RNF24: variants seen among roughly 807,000 people sequenced by gnomAD.
The protein encoded by RNF24 is ring finger protein 24.
RNF24 carries 14 observed loss-of-function variants against 20.0 expected under a neutral mutation model. The observed-to-expected ratio is 0.70, with a 90% CI of 0.46 to 1.10. RNF24 has a LOEUF of 1.10. Ranked by LOEUF, RNF24 falls within the 50% of genes least tolerant of loss-of-function variation. The pLI, the probability that RNF24 is intolerant of heterozygous loss-of-function variation, is 0.00. For missense variants in RNF24, 124 were observed against 177.6 expected (o/e 0.70, Z 1.71); for synonymous variants, 45 against 61.1 (o/e 0.74, Z 1.23).
intron 1 of RNF24, among the ~76,000 whole-genome samples, chr20:3,975,357 A>C (rs940173124): frequency 6.6e-6 from 1 of 152,220 alleles, no homozygotes; most frequent in Non-Finnish European, 1.5e-5. Context: ...AAAAAGCTCC[A>C]GACTTGACAC....
intron 1 of RNF24, among the ~76,000 whole-genome samples, chr20:4,000,550 T>C (rs1252589341): frequency 2.0e-5 from 3 of 152,034 alleles, no homozygotes; most frequent in African/African-American, 7.2e-5. Context: ...TATTAATGCA[T>C]ATATAATCTC....
chr20:3,955,737 A>G (rs1449365096), intron 2 of RNF24, among the ~76,000 whole-genome samples: 1 of 152,210 alleles, frequency 6.6e-6, no homozygotes, highest in Non-Finnish European at 1.5e-5. Flanking sequence ...CTGTAACTAT[A>G]TAAAGACGAT....
At chr20:3,984,149 G>A (rs980078065) in intron 1 of RNF24, among the ~76,000 whole-genome samples, 5 of 151,460 alleles carry the variant, frequency 3.3e-5, no homozygotes, top group Admixed American at 1.3e-4. Context: ...AAGACTGCTT[G>A]AGCCCAGGAA....
intron 3 of RNF24, 29 bp from the exon 4 acceptor site, chr20:3,945,247 C>A (rs1184985773): frequency 6.4e-7 from 1 of 1,558,060 alleles, no homozygotes; most frequent in East Asian, 2.3e-5. Context: ...TGTTCTTATG[C>A]CCATTTAAAT....
chr20:4,003,881 T>A (rs1292061093), intron 1 of RNF24, among the ~76,000 whole-genome samples: 4 of 151,974 alleles, frequency 2.6e-5, no homozygotes, highest in Non-Finnish European at 5.9e-5. Context: ...TGACCTCAAG[T>A]GATCTACCCC....
intron 1 of RNF24, among the ~76,000 whole-genome samples, chr20:4,010,399 T>C (rs1008575994): frequency 6.6e-6 from 1 of 152,142 alleles, no homozygotes; most frequent in African/African-American, 2.4e-5. Flanking sequence ...TATGTATCCA[T>C]GAGATAAACA....
chr20:3,947,447 T>G (rs2146960341), intron 3 of RNF24, among the ~76,000 whole-genome samples: 1 of 152,326 alleles, frequency 6.6e-6, no homozygotes, highest in South Asian at 2.1e-4. Context: ...AGTGAAGGAC[T>G]AGGTATTGAC....
chr20:3,935,180 G>A, intron 4 of RNF24, 107 bp from the exon 5 acceptor site: 1 of 730,842 alleles, frequency 1.4e-6, no homozygotes, highest in Non-Finnish European at 2.3e-6. Flanking sequence ...GGACTCATGA[G>A]ACTCTTATCT....
intron 2 of RNF24, among the ~76,000 whole-genome samples, chr20:3,957,439 C>T (rs2091154824): frequency 7.2e-6 from 1 of 139,470 alleles, no homozygotes. Flanking sequence ...GCCTGGGTGA[C>T]AGGCTGAGAC....
intron 1 of RNF24, among the ~76,000 whole-genome samples, chr20:4,014,226 T>C (rs1982692619): frequency 6.6e-6 from 1 of 151,970 alleles, no homozygotes; most frequent in Non-Finnish European, 1.5e-5. Context: ...CATGCCAGGG[T>C]AATATGCAAT....
At chr20:3,942,634 G>T (rs867200691) in intron 4 of RNF24, among the ~76,000 whole-genome samples, 1 of 151,870 alleles carries the variant, frequency 6.6e-6, no homozygotes, top group Non-Finnish European at 1.5e-5. Context: ...CACCACGCCC[G>T]GCTAATTTTT....
At chr20:3,991,936 A>ACACG (rs1179106016) in intron 1 of RNF24, among the ~76,000 whole-genome samples, 1 of 148,712 alleles carries the variant, frequency 6.7e-6, no homozygotes, top group African/African-American at 2.5e-5. Flanking sequence ...ATACACACAC[A>ACACG]CACGCACACA....
rs66825220 is a variant in RNF24 at position 3,953,759 on chromosome 20, G to GTT, written c.144-5482_144-5481dup. ...TTCATATTTTCAATTTCTTGTAGTA[G>GTT]TTTTTTTTTTTTTTTGAGACAGAGT... On this transcript the variant is annotated intron_variant, in intron 2 of 5. Transcript: ENST00000358395. 4.8e-4 allele frequency among the ~76,000 whole-genome samples: 67 copies of GTT among 138,638 alleles called. 1 individual carries two copies. The highest frequency in any genetic ancestry group is 9.3e-4 in the South Asian group (4 of 4,322). The allele number at this position is 138,638 out of a possible 152,430, so 91.0% of individuals were successfully genotyped here.
chr20:3,967,862 G>A (rs1048402127), intron 1 of RNF24, among the ~76,000 whole-genome samples: 25 of 150,476 alleles, frequency 1.7e-4, no homozygotes, highest in African/African-American at 5.4e-4. Context: ...GCGTGGTGAC[G>A]CATGCCTGTA....
intron 4 of RNF24, among the ~76,000 whole-genome samples, chr20:3,939,956 G>GA (rs1002573857): frequency 6.6e-6 from 1 of 150,950 alleles, no homozygotes. Flanking sequence ...TATTACAAAC[G>GA]AAAAAAAAAT....
chr20:3,973,762 CA>C (rs1568641331), intron 1 of RNF24, among the ~76,000 whole-genome samples: 1 of 151,976 alleles, frequency 6.6e-6, no homozygotes, highest in Admixed American at 6.6e-5. Context: ...TAAAAATTCA[CA>C]AAAAAGAAAG....
chr20:3,998,906 C>T (rs990494435), intron 1 of RNF24, among the ~76,000 whole-genome samples: 3 of 145,640 alleles, frequency 2.1e-5, no homozygotes, highest in African/African-American at 7.7e-5. Flanking sequence ...ATGGCAAAAC[C>T]CCATCTCTAC....
chr20:3,945,191 A>G lies in RNF24; in HGVS notation c.214T>C (p.Leu72=), dbSNP rs2091002155. 3 of 1,599,296 alleles carry G rather than the reference A, an allele frequency of 1.9e-6. No homozygotes were observed. The highest frequency in any genetic ancestry group is 3.5e-5 in the Admixed American group (2 of 56,736). ...CATCAACTTACCTCATGTAAATTCA[A>G]TTCTTTTACTTTCTCTTTTAATATA... ...QVILKEKVKE[L]NLHELCAVCL... The change falls in exon 4 of 6, where the codon TTG becomes CTG. Residue 72 remains leucine (L), a synonymous_variant. Transcript: ENST00000358395.
At chr20:4,008,121 C>T (rs911472225) in intron 1 of RNF24, among the ~76,000 whole-genome samples, 1 of 149,460 alleles carries the variant, frequency 6.7e-6, no homozygotes, top group African/African-American at 2.5e-5. Flanking sequence ...TACTGAGTTT[C>T]GTGTTTTACA....
Sources: allele counts gnomAD v4.1 joint callset (sites outside exome capture counted in the v4.1 genomes callset), GRCh38; gene constraint gnomAD v4.1.1; transcripts MANE v1.5; gene names NCBI Gene and HGNC (gene_info 2026-07-23, HGNC 2026-07-21).